Variants in KAZN observed in about 807,000 individuals in gnomAD.
KAZN encodes kazrin, periplakin interacting protein, also known as kazrin.
KAZN carries 40 observed loss-of-function variants against 87.4 expected under a neutral mutation model. The observed-to-expected ratio is 0.46, with a 90% confidence interval of 0.36 to 0.60. The LOEUF (loss-of-function observed/expected upper bound fraction) is 0.60. Among genes scored for constraint, KAZN ranks in the 20% least tolerant of loss-of-function variants. The pLI, the probability that KAZN is intolerant of heterozygous loss-of-function variation, is 0.00. For missense variants in KAZN, 898 were observed against 1,073.9 expected (o/e 0.84, Z 2.29); for synonymous variants, 466 against 458.3 (o/e 1.02, Z -0.22).
chr1:14,713,797 A>AAAAGAAAGAAAG (rs1553215136), intron 1 of KAZN, among the ~76,000 whole-genome samples: 5,449 of 94,208 alleles, frequency 0.058, 130 homozygotes, highest in East Asian at 0.081. Flanking sequence ...AAAAAAAAAA[A>AAAAGAAAGAAAG]AAAGAAAGAA....
At chr1:14,386,477 C>T (rs1288575328) in intron 2 of KAZN, among the ~76,000 whole-genome samples, 6 of 151,928 alleles carry the variant, frequency 3.9e-5, no homozygotes, top group Non-Finnish European at 7.4e-5. Flanking sequence ...ATGTTTAGCA[C>T]TTCCTTCAGG....
chr1:14,691,099 C>T (rs114141728), intron 1 of KAZN, among the ~76,000 whole-genome samples: 1,548 of 152,256 alleles, frequency 0.01, 28 homozygotes, highest in African/African-American at 0.035. Flanking sequence ...ACTAAACAAG[C>T]GCTGACTTAG....
chr1:14,918,707 AATAT>A (rs201058383), intron 1 of KAZN, among the ~76,000 whole-genome samples: 99 of 24,628 alleles, frequency 4.0e-3, no homozygotes, highest in East Asian at 0.01. Context: ...AAAAAAAAAA[AATAT>A]ATATATATAT....
intron 1 of KAZN, among the ~76,000 whole-genome samples, chr1:14,919,410 C>T (rs1297637387): frequency 6.6e-6 from 1 of 152,238 alleles, no homozygotes; most frequent in South Asian, 2.1e-4. Flanking sequence ...CGCCTGACCT[C>T]AGGCGATCCA....
chr1:14,438,676 C>T (rs1666535644), intron 2 of KAZN, among the ~76,000 whole-genome samples: 1 of 152,084 alleles, frequency 6.6e-6, no homozygotes, highest in Non-Finnish European at 1.5e-5. Flanking sequence ...GTTGTGGGCA[C>T]CTGTCATGGA....
intron 1 of KAZN, among the ~76,000 whole-genome samples, chr1:14,891,575 AAAGACC>A (rs1654726448): frequency 6.6e-6 from 1 of 152,226 alleles, no homozygotes; most frequent in Non-Finnish European, 1.5e-5. Flanking sequence ...TAAAGCAGTT[AAAGACC>A]ACTGCTTTAA....
intron 1 of KAZN, among the ~76,000 whole-genome samples, chr1:14,821,146 T>G (rs368086097): frequency 6.6e-6 from 1 of 152,212 alleles, no homozygotes. Context: ...GTCACTGTTA[T>G]GGGCTTAGTT....
chr1:15,111,703 AGT>A (rs1641627556), intron 13 of KAZN: 1 of 152,302 alleles, frequency 6.6e-6, no homozygotes, highest in Non-Finnish European at 1.5e-5. Flanking sequence ...AAGGCCAGAT[AGT>A]GAATATGTTA....
chr1:14,928,723 A>G (rs1659457026), intron 1 of KAZN, among the ~76,000 whole-genome samples: 1 of 152,156 alleles, frequency 6.6e-6, no homozygotes, highest in African/African-American at 2.4e-5. Context: ...ACTAGGACCC[A>G]TTGGTGGGTT....
At chr1:14,243,157 G>C (rs1649132824) in intron 2 of KAZN, among the ~76,000 whole-genome samples, 1 of 152,072 alleles carries the variant, frequency 6.6e-6, no homozygotes, top group African/African-American at 2.4e-5. Flanking sequence ...GTGTTTCTCT[G>C]TTTTCAGTTT....
At chr1:14,807,885 C>T (rs1646274263) in intron 1 of KAZN, among the ~76,000 whole-genome samples, 1 of 152,146 alleles carries the variant, frequency 6.6e-6, no homozygotes. Context: ...GGAGCAGCCT[C>T]CACTCCCCTA....
chr1:14,869,639 T>C (rs3845600), intron 1 of KAZN, among the ~76,000 whole-genome samples: 60,049 of 152,026 alleles, frequency 0.39, 12,401 homozygotes, highest in Non-Finnish European at 0.46. Flanking sequence ...GAAATATTGA[T>C]TCTGATTGGG....
At chr1:14,045,187 C>T (rs1412336242) in intron 1 of KAZN, among the ~76,000 whole-genome samples, 2 of 152,204 alleles carry the variant, frequency 1.3e-5, no homozygotes, top group Non-Finnish European at 2.9e-5. Context: ...GAATTCCAGA[C>T]TCACAAAATC....
chr1:14,977,810 C>T (rs1665803059), intron 2 of KAZN, among the ~76,000 whole-genome samples: 1 of 151,894 alleles, frequency 6.6e-6, no homozygotes. Flanking sequence ...CCCAGCCTCT[C>T]ACTCGCTTGC....
rs752245291 is a variant in KAZN at position 14,001,703 on chromosome 1, A to G, written c.91+107947A>G. Among the ~76,000 whole-genome samples the G allele has an allele frequency of 8.3e-4, 126 of 152,304 alleles. 2 individuals are homozygous for G. Among genetic ancestry groups the G allele is most frequent in the Non-Finnish European group, 2.8e-4 (19 of 68,024 alleles). On this transcript the variant is annotated intron_variant, in intron 1 of 16. Coordinates refer to the KAZN transcript ENST00000636203. ...AGAGACCTCAGAAATAACACCATAC[A>G]TCTACAACCATCTGATCTTCGACAA...
chr1:14,494,312 T>G (rs1032246530), intron 2 of KAZN, among the ~76,000 whole-genome samples: 1 of 152,204 alleles, frequency 6.6e-6, no homozygotes, highest in Non-Finnish European at 1.5e-5. Flanking sequence ...GTGTATAGTA[T>G]GAGCACACAA....
At position 14,267,359 on chromosome 1, in the gene KAZN, C is replaced by CAAAAAAA. The variant is rs61641430; in HGVS notation, c.249+86781_249+86787dup. Among the ~76,000 whole-genome samples, 172 of 64,690 alleles carry CAAAAAAA rather than the reference C, an allele frequency of 2.7e-3. 2 individuals carry two copies. Among genetic ancestry groups the CAAAAAAA allele is most frequent in the African/African-American group, 8.8e-3 (159 of 18,164 alleles). 42.4% of individuals were successfully genotyped at this position (64,690 alleles called of 152,430 possible). A position where few individuals can be genotyped will look rare whatever the true frequency, so the allele number is the denominator to read the frequency against. ...AAATACACTAACAATAGCCGATAAGCAAAAAAAAAAAAAAAAAAAATCACA... is the reference window on the plus strand; with the variant it reads ...AAATACACTAACAATAGCCGATAAGCAAAAAAAAAAAAAAAAAAAAAAAAAAATCACA... On this transcript the variant is annotated intron_variant, in intron 2 of 16. Coordinates refer to the KAZN transcript ENST00000636203.
At chr1:14,319,473 T>C (rs1447125437) in intron 2 of KAZN, among the ~76,000 whole-genome samples, 1 of 152,058 alleles carries the variant, frequency 6.6e-6, no homozygotes, top group East Asian at 1.9e-4. Context: ...ATAGATGTCT[T>C]TGTGTTCAGA....
At chr1:14,749,964 A>G (rs1277944380) in intron 1 of KAZN, among the ~76,000 whole-genome samples, 1 of 152,148 alleles carries the variant, frequency 6.6e-6, no homozygotes, top group East Asian at 1.9e-4. Context: ...GGTTACACAA[A>G]TCTATACATG....
Sources: gnomAD v4.1 joint callset for allele counts (sites outside exome capture counted in the v4.1 genomes callset) on GRCh38, gnomAD v4.1.1 for gene constraint, MANE v1.5 for transcripts, NCBI Gene and HGNC (gene_info 2026-07-23, HGNC 2026-07-21) for gene names.